ATP2A2: variants seen among roughly 807,000 people sequenced by gnomAD.
ATP2A2 encodes the protein sarcoplasmic/endoplasmic reticulum calcium ATPase 2.
ATP2A2 carries 14 observed loss-of-function variants against 109.3 expected under a neutral mutation model. That is an observed-to-expected ratio of 0.13 (90% CI 0.08 to 0.20). The LOEUF (loss-of-function observed/expected upper bound fraction) is 0.20. ATP2A2 is among the 10% of genes least tolerant of loss of function. The pLI is 1.00. For missense variants in ATP2A2, 657 were observed against 1,321.6 expected (o/e 0.50, Z 7.80); for synonymous variants, 506 against 490.9 (o/e 1.03, Z -0.41).
At position 110,305,826 on chromosome 12, in the gene ATP2A2, T is replaced by C. The variant is rs531739763; in HGVS notation, c.463+9089T>C. Among the ~76,000 whole-genome samples, 6 of 152,144 alleles carry C rather than the reference T, an allele frequency of 3.9e-5. 1 individual carries two copies. The South Asian group carries it at 1.0e-3, about 26-fold the overall frequency. On this transcript the variant is annotated intron_variant, in intron 5 of 19. Coordinates refer to ENST00000539276, the MANE Select transcript of ATP2A2 (RefSeq NM_170665.4). ...TATCTATAGATGAGTTTGGGAAATA[T>C]GGTCGTAATATCAAGTCTTTGGATC...
chr12:110,299,947 G>A (rs1874382780), intron 5 of ATP2A2, among the ~76,000 whole-genome samples: 1 of 151,904 alleles, frequency 6.6e-6, no homozygotes, highest in South Asian at 2.1e-4. Flanking sequence ...GTAGATGTGG[G>A]GTTTCTCCAT....
intron 5 of ATP2A2, among the ~76,000 whole-genome samples, chr12:110,314,905 C>T (rs868367514): frequency 3.7e-4 from 55 of 147,584 alleles, no homozygotes; most frequent in African/African-American, 1.2e-3. Flanking sequence ...CTCGCTCTGT[C>T]GCCCAGGCTG....
chr12:110,346,784 GCAGA>G lies in ATP2A2; in HGVS notation c.*317_*320del. On this transcript the variant is annotated 3_prime_UTR_variant, in exon 20 of 20. Coordinates refer to ENST00000539276, the MANE Select transcript of ATP2A2 (RefSeq NM_170665.4). ...TTGTATAAAAAAAATAGTTGAGCCA[GCAGA>G]CATTGTCAGCAAATTAATTGGCAGC... The G allele has an allele frequency of 1.7e-6, 2 of 1,159,182 alleles. No homozygotes were observed. The highest frequency in any genetic ancestry group is 2.1e-6 in the Non-Finnish European group (2 of 937,088). The allele number at this position is 1,159,182 out of a possible 1,614,324, so 71.8% of individuals were successfully genotyped here.
At chr12:110,293,826 ATGTGTGTGTGTGTG>A (rs59260681) in intron 4 of ATP2A2, among the ~76,000 whole-genome samples, 61 of 108,580 alleles carry the variant, frequency 5.6e-4, no homozygotes, top group South Asian at 3.5e-3. Flanking sequence ...TGCCATATAT[ATGTGTGTGTGTGTG>A]TGTGTGTGTG....
intron 3 of ATP2A2, among the ~76,000 whole-genome samples, chr12:110,289,421 G>A (rs1011214645): frequency 3.9e-5 from 6 of 151,996 alleles, no homozygotes; most frequent in Admixed American, 3.9e-4. Context: ...ATTATTCCTG[G>A]CCTTAACACT....
chr12:110,309,000 A>G (rs1186683783), intron 5 of ATP2A2, among the ~76,000 whole-genome samples: 2 of 152,110 alleles, frequency 1.3e-5, no homozygotes, highest in Non-Finnish European at 2.9e-5. Flanking sequence ...TTGGAATGTA[A>G]GGGTCATCTC....
At position 110,305,765 on chromosome 12, in the gene ATP2A2, G is replaced by A. The variant is rs76862013; in HGVS notation, c.463+9028G>A. ...TAAGAGTTGCTTGTCAATTTCTGCA[G>A]AAAGCAAGCTGGTATTTTCAGTAAG... On this transcript the variant is annotated intron_variant, in intron 5 of 19. Transcript: ENST00000539276. Among the ~76,000 whole-genome samples the A allele has an allele frequency of 8.1e-3, 1,226 of 152,200 alleles. 1 individual carries two copies. The highest frequency in any genetic ancestry group is 9.4e-3 in the Non-Finnish European group (642 of 68,014).
rs1233320237 is a variant in ATP2A2 at position 110,350,537 on chromosome 12, C to T, written c.*4067C>T. 3.0e-6 allele frequency: 2 copies of T among 671,028 alleles called. No homozygotes were observed. The highest frequency in any genetic ancestry group is 3.6e-5 in the African/African-American group (2 of 55,138). 41.6% of individuals were successfully genotyped at this position (671,028 alleles called of 1,614,324 possible). A position where few individuals can be genotyped will look rare whatever the true frequency, so the allele number is the denominator to read the frequency against. On this transcript the variant is annotated 3_prime_UTR_variant, in exon 20 of 20. Coordinates refer to ENST00000539276, the MANE Select transcript of ATP2A2 (RefSeq NM_170665.4). ...GTACAATTTAGCTTAATCAGAAAGC[C>T]TCTCCAGAGAAGTTTGGTTTCTTTG...
rs147753396 is a variant in ATP2A2 at position 110,337,816 on chromosome 12, G to A, written c.1420-1465G>A. On this transcript the variant is annotated intron_variant, in intron 11 of 19. Coordinates refer to ENST00000539276, the MANE Select transcript of ATP2A2 (RefSeq NM_170665.4). ...AAGACTATAAAAGTGTGTCTTTAACGCTGACAGTGTGTTTACACAGAGACC... is the reference window on the plus strand; with the variant it reads ...AAGACTATAAAAGTGTGTCTTTAACACTGACAGTGTGTTTACACAGAGACC... Among the ~76,000 whole-genome samples, 103 of 152,284 alleles carry A rather than the reference G, an allele frequency of 6.8e-4. 1 individual carries two copies. In the East Asian group the frequency reaches 0.017, roughly 25 times the overall value.
Position 110,343,248 on chromosome 12 carries a change from G to A in ATP2A2, c.2335G>A (p.Ala779Thr). Reference protein sequence around the residue: ...GEVVCIFLTAALGFPEALIPV... With the variant: ...GEVVCIFLTATLGFPEALIPV... ...TGGAAACAGTATTTTCCTGACAGCA[G>A]CCCTTGGATTTCCCGAGGCTTTGAT... The change falls in exon 16 of 20, where the codon GCC becomes ACC. Residue 779 changes from alanine (A) to threonine (T), a missense_variant. Ala to Thr is a moderately conservative substitution (Grantham distance 58). Coordinates refer to ENST00000539276, the MANE Select transcript of ATP2A2 (RefSeq NM_170665.4). The A allele has an allele frequency of 6.2e-7, 1 of 1,614,096 alleles. No individual in the cohort carries two copies. The highest frequency in any genetic ancestry group is 8.5e-7 in the Non-Finnish European group (1 of 1,180,014).
intron 5 of ATP2A2, among the ~76,000 whole-genome samples, chr12:110,315,677 A>T (rs1876586957): frequency 6.6e-6 from 1 of 152,194 alleles, no homozygotes; most frequent in Non-Finnish European, 1.5e-5. Flanking sequence ...GCGGTGGCTC[A>T]CGCCTGTAAT....
At position 110,327,513 on chromosome 12, in the gene ATP2A2, T is replaced by C. The variant is rs1228670036; in HGVS notation, c.631-40T>C. The C allele has an allele frequency of 1.3e-6, 2 of 1,574,662 alleles. No homozygotes were observed. Among genetic ancestry groups the C allele is most frequent in the Non-Finnish European group, 1.7e-6 (2 of 1,144,088 alleles). ...CAGCGTCGGTATTTAAGTTGGGATGTGGTATTCATCTTGTGACCAGTTCTC... is the reference window on the plus strand; with the variant it reads ...CAGCGTCGGTATTTAAGTTGGGATGCGGTATTCATCTTGTGACCAGTTCTC... On this transcript the variant is annotated intron_variant, in intron 7 of 19. Coordinates refer to ENST00000539276, the MANE Select transcript of ATP2A2 (RefSeq NM_170665.4). This position sits in a 1 kb window ranked among gnomAD's most constrained non-coding sequence, Gnocchi z 4.4.
At chr12:110,301,861 A>G (rs1055886481) in intron 5 of ATP2A2, among the ~76,000 whole-genome samples, 5 of 152,034 alleles carry the variant, frequency 3.3e-5, no homozygotes, top group African/African-American at 1.2e-4. Context: ...AGTTTTCAGT[A>G]CCACCAAAGT....
At chr12:110,323,538 G>A (rs574956046) in intron 6 of ATP2A2, among the ~76,000 whole-genome samples, 2 of 152,258 alleles carry the variant, frequency 1.3e-5, no homozygotes, top group East Asian at 1.9e-4. Context: ...GGCTGGGCAC[G>A]GTGGCTCATG....
intron 5 of ATP2A2, among the ~76,000 whole-genome samples, chr12:110,299,345 G>A (rs1874306139): frequency 6.6e-6 from 1 of 152,054 alleles, no homozygotes; most frequent in African/African-American, 2.4e-5. Context: ...GGTCAGAATG[G>A]GGAAGGCTGA....
chr12:110,327,750 T>C lies in ATP2A2; in HGVS notation c.828T>C (p.Ile276=). Residue 276 remains isoleucine (I), a synonymous_variant, in exon 8 of 20, where the codon ATT becomes ATC. Coordinates refer to ENST00000539276, the MANE Select transcript of ATP2A2 (RefSeq NM_170665.4). This position sits in a 1 kb window ranked among gnomAD's most constrained non-coding sequence, Gnocchi z 4.4. ...GCATTGCAGTCTGGATCATAAATATTGGGCACTTCAATGACCCGGTTCATG... is the reference window on the plus strand; with the variant it reads ...GCATTGCAGTCTGGATCATAAATATCGGGCACTTCAATGACCCGGTTCATG... ...LICIAVWIIN[I]GHFNDPVHGG... is the part of the protein sequence containing the mutation. 10 of 1,614,170 alleles carry C rather than the reference T, an allele frequency of 6.2e-6. No individual in the cohort carries two copies. The highest frequency in any genetic ancestry group is 4.2e-6 in the Non-Finnish European group (5 of 1,180,030).
intron 3 of ATP2A2, among the ~76,000 whole-genome samples, chr12:110,288,225 G>A (rs1280292565): frequency 6.8e-6 from 1 of 147,720 alleles, no homozygotes; most frequent in Non-Finnish European, 1.5e-5. Flanking sequence ...ATCTTCCCGA[G>A]TAGTCAGGAC....
At position 110,281,964 on chromosome 12, in the gene ATP2A2, A is replaced by G. The variant is rs1393915677; in HGVS notation, c.118+57A>G. ...GGCGCGGCCGGGAGAGCCAGGGAAGATGGCTGACCGGGCTCCACCTCGTGG... is the reference window on the plus strand; with the variant it reads ...GGCGCGGCCGGGAGAGCCAGGGAAGGTGGCTGACCGGGCTCCACCTCGTGG... On this transcript the variant is annotated intron_variant, in intron 1 of 19. Transcript: ENST00000539276. The G allele has an allele frequency of 7.2e-6, 10 of 1,393,406 alleles. No homozygotes were observed. The Admixed American group carries it at 2.0e-4, about 28-fold the overall frequency. The allele number at this position is 1,393,406 out of a possible 1,614,324, so 86.3% of individuals were successfully genotyped here. A position where few individuals can be genotyped will look rare whatever the true frequency, so the allele number is the denominator to read the frequency against.
chr12:110,329,938 C>T (rs767921359), intron 8 of ATP2A2: 1 of 152,236 alleles, frequency 6.6e-6, no homozygotes, highest in Non-Finnish European at 1.5e-5. Context: ...TTATTCGGCT[C>T]ATTAATTAGC....
Sources: allele counts gnomAD v4.1 joint callset (sites outside exome capture counted in the v4.1 genomes callset), GRCh38; gene constraint gnomAD v4.1.1; non-coding constraint Gnocchi (gnomAD v3.1); transcripts MANE v1.5; gene names NCBI Gene and HGNC (gene_info 2026-07-23, HGNC 2026-07-21).